Variants in SBF2 observed in about 807,000 individuals in gnomAD.
SBF2 encodes myotubularin-related protein 13.
Under a neutral mutation model 225.2 loss-of-function variants are expected in SBF2, and 112 were observed. The ratio of observed to expected loss-of-function variants is 0.50; its 90% CI spans 0.43 to 0.58. The LOEUF (loss-of-function observed/expected upper bound fraction) is 0.58. Ranked by LOEUF, SBF2 falls within the 20% of genes least tolerant of loss-of-function variation. The probability of loss-of-function intolerance (pLI) is 0.00; values close to 1 mark genes in which losing one functional copy is unlikely to be tolerated. For synonymous variants in SBF2, 763 were observed against 773.3 expected, an observed-to-expected ratio of 0.99 and a Z score of 0.22; for missense variants, 1,996 against 2,206.2, an observed-to-expected ratio of 0.90 and a Z score of 1.91.
intron 16 of SBF2, among the ~76,000 whole-genome samples, chr11:9,946,499 G>A (rs111642591): frequency 0.014 from 2,046 of 148,718 alleles, 46 homozygotes; most frequent in African/African-American, 0.048. Flanking sequence ...CGCCCAGGCT[G>A]GAGTGCAGTG....
intron 2 of SBF2, among the ~76,000 whole-genome samples, chr11:10,047,247 T>C (rs1217363420): frequency 6.6e-6 from 1 of 152,128 alleles, no homozygotes; most frequent in Non-Finnish European, 1.5e-5. Flanking sequence ...CCCAGCAAGT[T>C]ATTTTATGGA....
At chr11:10,024,003 G>C (rs1017631433) in intron 6 of SBF2, among the ~76,000 whole-genome samples, 1 of 152,030 alleles carries the variant, frequency 6.6e-6, no homozygotes, top group African/African-American at 2.4e-5. Flanking sequence ...TCCTATCCAT[G>C]AAACAACCAG....
chr11:9,821,102 C>T (rs1854727264), intron 28 of SBF2, among the ~76,000 whole-genome samples: 1 of 152,172 alleles, frequency 6.6e-6, no homozygotes, highest in Non-Finnish European at 1.5e-5. Context: ...GAGTCCTTAA[C>T]CTTGGCAAAA....
chr11:9,925,133 T>TATG (rs367822598), intron 16 of SBF2, among the ~76,000 whole-genome samples: 185 of 152,286 alleles, frequency 1.2e-3, no homozygotes, highest in African/African-American at 4.0e-3. Flanking sequence ...GCAGGATCTG[T>TATG]ATGATGTGAG....
chr11:9,943,404 A>T (rs773745549), intron 16 of SBF2, among the ~76,000 whole-genome samples: 1 of 152,180 alleles, frequency 6.6e-6, no homozygotes, highest in Non-Finnish European at 1.5e-5. Flanking sequence ...AATTACAAAC[A>T]TATTTGCCAA....
chr11:10,001,557 C>T lies in SBF2; in HGVS notation c.753-535G>A, dbSNP rs182774693. On this transcript the variant is annotated intron_variant, in intron 7 of 39. Coordinates refer to ENST00000256190, the MANE Select transcript of SBF2 (RefSeq NM_030962.4). ...TTTTTTTTTTTGAGATGGAGTCTCA[C>T]GCTGTCGCCCAGGCTGGAGTGTAGT... Among the ~76,000 whole-genome samples the T allele has an allele frequency of 1.1e-3, 170 of 151,218 alleles. 1 individual carries two copies. Among genetic ancestry groups the T allele is most frequent in the African/African-American group, 3.9e-3 (160 of 41,070 alleles).
chr11:10,137,446 G>A (rs1458705561), intron 2 of SBF2, among the ~76,000 whole-genome samples: 2 of 152,168 alleles, frequency 1.3e-5, no homozygotes, highest in Non-Finnish European at 2.9e-5. Context: ...AATAGCAGTA[G>A]TGAGAGCAGA....
At chr11:10,100,321 C>A (rs185635388) in intron 2 of SBF2, among the ~76,000 whole-genome samples, 58 of 152,322 alleles carry the variant, frequency 3.8e-4, no homozygotes, top group African/African-American at 1.4e-3. Context: ...TGGGCAGTTA[C>A]AAATTTGGAG....
At chr11:9,995,366 A>C (rs1193067745) in intron 9 of SBF2, among the ~76,000 whole-genome samples, 2 of 152,152 alleles carry the variant, frequency 1.3e-5, no homozygotes, top group Non-Finnish European at 1.5e-5. Flanking sequence ...TTTTGATGCT[A>C]TGCTGAGAAT....
At chr11:9,857,434 C>T (rs536605294) in intron 18 of SBF2, among the ~76,000 whole-genome samples, 28 of 152,278 alleles carry the variant, frequency 1.8e-4, no homozygotes, top group Non-Finnish European at 2.9e-4. Context: ...TCAAAAGCAC[C>T]CCCGAAGCCC....
In SBF2 at chr11:10,224,518, G is replaced by A. The variant is rs146910975; in HGVS notation, c.56-30531C>T. On this transcript the variant is annotated intron_variant, in intron 1 of 39. Coordinates refer to ENST00000256190, the MANE Select transcript of SBF2 (RefSeq NM_030962.4). ...ATGATCTGGCCCCTACCTCCACAAC[G>A]TCATTCATCCAATTCTAGCCTCAAT... Among the ~76,000 whole-genome samples, 289 of 152,122 alleles carry A rather than the reference G, an allele frequency of 1.9e-3. 1 individual carries two copies. Among genetic ancestry groups the A allele is most frequent in the Non-Finnish European group, 3.5e-3 (240 of 67,984 alleles).
At chr11:10,044,491 G>T in intron 2 of SBF2, 1 of 174,432 alleles carries the variant, frequency 5.7e-6, no homozygotes, top group Non-Finnish European at 1.2e-5. Flanking sequence ...GGGGAGAAGG[G>T]AAAAGAGATA....
intron 1 of SBF2, among the ~76,000 whole-genome samples, chr11:10,260,518 C>T (rs1961321910): frequency 1.3e-5 from 2 of 151,964 alleles, no homozygotes; most frequent in South Asian, 4.2e-4. Context: ...AGATGGAGAC[C>T]ATCCTGGCTA....
intron 1 of SBF2, 75 bp downstream of exon 1, chr11:10,293,940 C>CCGGCCCCGACGCT: frequency 8.7e-7 from 1 of 1,146,080 alleles, no homozygotes; most frequent in Non-Finnish European, 1.1e-6. Flanking sequence ...TCCCCGACGC[C>CCGGCCCCGACGCT]CGGCCCCGCG....
chr11:10,158,233 A>G (rs1435733024), intron 2 of SBF2, among the ~76,000 whole-genome samples: 2 of 152,184 alleles, frequency 1.3e-5, no homozygotes, highest in Admixed American at 1.3e-4. Context: ...ACATTAAGAA[A>G]AAAACAAAGA....
intron 2 of SBF2, among the ~76,000 whole-genome samples, chr11:10,043,308 T>C (rs1193384450): frequency 6.6e-6 from 1 of 152,144 alleles, no homozygotes; most frequent in Non-Finnish European, 1.5e-5. Flanking sequence ...ATGGAATACA[T>C]TAGAAATCAA....
intron 32 of SBF2, among the ~76,000 whole-genome samples, chr11:9,804,643 G>A (rs1853689810): frequency 6.6e-6 from 1 of 152,160 alleles, no homozygotes; most frequent in Non-Finnish European, 1.5e-5. Flanking sequence ...TCACTGATCT[G>A]CTTTCAGTCA....
At chr11:10,071,386 C>T (rs1003931752) in intron 2 of SBF2, among the ~76,000 whole-genome samples, 11 of 151,314 alleles carry the variant, frequency 7.3e-5, no homozygotes, top group Non-Finnish European at 4.4e-5. Flanking sequence ...CCTGCTTCAG[C>T]CTCCAGAGTA....
intron 32 of SBF2, among the ~76,000 whole-genome samples, chr11:9,804,576 T>A (rs1386377292): frequency 6.6e-6 from 1 of 152,226 alleles, no homozygotes; most frequent in African/African-American, 2.4e-5. Flanking sequence ...CTGAAAAGTT[T>A]GCTTATGCCC....
Sources: gnomAD v4.1 joint callset for allele counts (sites outside exome capture counted in the v4.1 genomes callset) on GRCh38, gnomAD v4.1.1 for gene constraint, MANE v1.5 for transcripts, NCBI Gene and HGNC (gene_info 2026-07-23, HGNC 2026-07-21) for gene names.